The following FXYD2 variants were observed in gnomAD, a reference collection of about 807,000 sequenced individuals.
The protein encoded by FXYD2 is sodium/potassium-transporting ATPase subunit gamma.
A neutral mutation model predicts 11.8 loss-of-function variants in FXYD2; 8 were observed. The ratio of observed to expected loss-of-function variants is 0.68; its 90% CI spans 0.40 to 1.22. The LOEUF is 1.22. Ranked by LOEUF, FXYD2 falls within the 50% of genes most tolerant of loss-of-function variation. FXYD2 has a pLI of 0.01. For missense variants in FXYD2, 92 were observed against 91.8 expected (o/e 1.00, Z -0.01); for synonymous variants, 42 against 33.3 (o/e 1.26, Z -0.90).
chr11:117,826,231 G>A (rs767898909), upstream of FXYD2, among the ~76,000 whole-genome samples: 4 of 152,222 alleles, frequency 2.6e-5, no homozygotes, highest in South Asian at 4.1e-4. Context: ...AAATGGGCAC[G>A]AATGAGTGAG....
At chr11:117,826,483 G>C (rs1246944461), upstream of FXYD2, among the ~76,000 whole-genome samples, 1 of 152,130 alleles carries the variant, frequency 6.6e-6, no homozygotes, top group Admixed American at 6.5e-5. Flanking sequence ...CCTGGACGTG[G>C]CCAGGGCACT....
At chr11:117,820,560 C>T (rs995776616) in intron 5 of FXYD2, 106 bp downstream of exon 5, 126 of 1,435,732 alleles carry the variant, frequency 8.8e-5, no homozygotes, top group Non-Finnish European at 1.1e-4. Flanking sequence ...GATGTGTGGA[C>T]GACCCTAAAA....
chr11:117,824,505 G>A lies in FXYD2; in HGVS notation c.25+149C>T. 1 of 718,372 alleles carries A rather than the reference G, an allele frequency of 1.4e-6. No individual in the cohort carries two copies. Among genetic ancestry groups the A allele is most frequent in the Non-Finnish European group, 2.5e-6 (1 of 395,710 alleles). 44.5% of individuals were successfully genotyped at this position (718,372 alleles called of 1,614,324 possible). Reference sequence around the variant, plus strand: ...CCTTTAAGTTGCAAATTTTCTTAGAGAGGAGGCCGACAGGAAGAGGGGCTG... The same window carrying A: ...CCTTTAAGTTGCAAATTTTCTTAGAAAGGAGGCCGACAGGAAGAGGGGCTG... On this transcript the variant is annotated intron_variant, in intron 1 of 5. Transcript: ENST00000292079. The surrounding 1 kb of genome is among the most constrained non-coding windows in gnomAD (Gnocchi z 4.0).
chr11:117,827,058 AGATG>A (rs1295930317), upstream of FXYD2, among the ~76,000 whole-genome samples: 2 of 150,140 alleles, frequency 1.3e-5, no homozygotes, highest in Admixed American at 6.7e-5. Context: ...AGGCACCAAC[AGATG>A]GATGGATAGA....
intron 1 of FXYD2, among the ~76,000 whole-genome samples, chr11:117,823,601 A>G (rs1011398814): frequency 1.3e-5 from 2 of 152,202 alleles, no homozygotes; most frequent in East Asian, 1.9e-4. Context: ...CAGGTCTCAC[A>G]GTGGTGCCCT....
upstream of FXYD2, among the ~76,000 whole-genome samples, chr11:117,826,490 C>A (rs751196167): frequency 8.5e-5 from 13 of 152,210 alleles, no homozygotes; most frequent in South Asian, 2.1e-4. Flanking sequence ...GTGGCCAGGG[C>A]ACTGGGTACA....
At chr11:117,826,778 G>GTCTATCTGTCTGTCTATCTATCTATCTA (rs1555040290), upstream of FXYD2, among the ~76,000 whole-genome samples, 70 of 125,874 alleles carry the variant, frequency 5.6e-4, no homozygotes, top group Middle Eastern at 4.4e-3. Flanking sequence ...CTGTCTGTCT[G>GTCTATCTGTCTGTCTATCTATCTATCTA]TCTATCTATC....
rs1245792813 is a variant in FXYD2 at position 117,822,107 on chromosome 11, C to T, written c.139+299G>A. 1.1e-5 allele frequency: 15 copies of T among 1,347,382 alleles called. No homozygotes were observed. The highest frequency in any genetic ancestry group is 1.5e-5 in the South Asian group (1 of 65,312). The allele number at this position is 1,347,382 out of a possible 1,614,324, so 83.5% of individuals were successfully genotyped here. A position where few individuals can be genotyped will look rare whatever the true frequency, so the allele number is the denominator to read the frequency against. On this transcript the variant is annotated intron_variant, in intron 3 of 5. Transcript: ENST00000292079. The surrounding 1 kb of genome is among the most constrained non-coding windows in gnomAD (Gnocchi z 4.7). Reference sequence around the variant, plus strand: ...ATGAGTTTGGGACCATGGTTAGCAGCGGGGGGCCTAGTCCCCCTGTCTGGC... The same window carrying T: ...ATGAGTTTGGGACCATGGTTAGCAGTGGGGGGCCTAGTCCCCCTGTCTGGC...
intron 1 of FXYD2, among the ~76,000 whole-genome samples, chr11:117,823,292 C>A (rs1370058206): frequency 6.6e-6 from 1 of 152,126 alleles, no homozygotes; most frequent in East Asian, 1.9e-4. Flanking sequence ...GGTCAGGCAC[C>A]GGGCAAAAAC....
At position 117,824,652 on chromosome 11, in the gene FXYD2, A is replaced by T; in HGVS notation, c.25+2T>A. 6.2e-7 allele frequency: 1 copy of T among 1,613,334 alleles called. No homozygotes were observed. The highest frequency in any genetic ancestry group is 1.1e-5 in the South Asian group (1 of 91,048). On this transcript the variant is annotated splice_donor_variant, in intron 1 of 5. Transcript: ENST00000292079. LOFTEE classifies it high-confidence loss of function. The surrounding 1 kb of genome is among the most constrained non-coding windows in gnomAD (Gnocchi z 4.0). Reference sequence around the variant, plus strand: ...CCCGGGCACGCACACCAGCACACTCACCACCGTCCATCGACAACCCAGTCA... The same window carrying T: ...CCCGGGCACGCACACCAGCACACTCTCCACCGTCCATCGACAACCCAGTCA...
In FXYD2 at chr11:117,822,135, T is replaced by C; in HGVS notation, c.139+271A>G. 7.2e-7 allele frequency: 1 copy of C among 1,385,526 alleles called. No individual in the cohort carries two copies. 85.8% of individuals were successfully genotyped at this position (1,385,526 alleles called of 1,614,324 possible). Reference sequence around the variant, plus strand: ...GGGGCCTAGTCCCCCTGTCTGGCCCTCCGGTTACCCAGTTACCCCGTGGGT... The same window carrying C: ...GGGGCCTAGTCCCCCTGTCTGGCCCCCCGGTTACCCAGTTACCCCGTGGGT... On this transcript the variant is annotated intron_variant, in intron 3 of 5. Transcript: ENST00000292079. The surrounding 1 kb of genome is among the most constrained non-coding windows in gnomAD (Gnocchi z 4.7).
upstream of FXYD2, among the ~76,000 whole-genome samples, chr11:117,824,920 C>T (rs2056002367): frequency 6.6e-6 from 1 of 152,214 alleles, no homozygotes; most frequent in South Asian, 2.1e-4. This position sits in a 1 kb window ranked among gnomAD's most constrained non-coding sequence, Gnocchi z 4.0. Flanking sequence ...GTTTCCAAAC[C>T]TTCCCAAAGG....
chr11:117,826,149 A>C (rs187030890), upstream of FXYD2, among the ~76,000 whole-genome samples: 5 of 152,276 alleles, frequency 3.3e-5, no homozygotes, highest in East Asian at 9.7e-4. Context: ...GTGTTGATTG[A>C]AGAAATGACA....
chr11:117,827,016 C>T (rs1173573190), upstream of FXYD2, among the ~76,000 whole-genome samples: 1 of 150,894 alleles, frequency 6.6e-6, no homozygotes, highest in Non-Finnish European at 1.5e-5. Context: ...GATGGAAGGG[C>T]TCCCACTGCG....
chr11:117,825,138 G>A (rs11216564), upstream of FXYD2, among the ~76,000 whole-genome samples: 27,558 of 152,174 alleles, frequency 0.18, 2,700 homozygotes, highest in Non-Finnish European at 0.23. Flanking sequence ...GGATGCCGCC[G>A]CTGCAGCTGG....
upstream of FXYD2, chr11:117,824,829 A>C: frequency 9.7e-7 from 1 of 1,028,662 alleles, no homozygotes; most frequent in Non-Finnish European, 1.5e-6. The surrounding 1 kb of genome is among the most constrained non-coding windows in gnomAD (Gnocchi z 4.0). Context: ...GTCACAAGAA[A>C]AGCTGCAGTG....
intron 5 of FXYD2, 87 bp downstream of exon 5, chr11:117,820,579 T>C: frequency 3.2e-6 from 5 of 1,555,548 alleles, no homozygotes; most frequent in Non-Finnish European, 4.4e-6. Context: ...AATTCTTATT[T>C]ACCGAGTCCA....
At chr11:117,820,583 G>A (rs760155230) in intron 5 of FXYD2, 83 bp downstream of exon 5, 11 of 1,561,016 alleles carry the variant, frequency 7.0e-6, no homozygotes, top group East Asian at 2.2e-5. Flanking sequence ...CTTATTTACC[G>A]AGTCCAGGAG....
Position 117,822,728 on chromosome 11 carries a change from G to C in FXYD2, c.26-11C>G. On this transcript the variant is annotated splice_polypyrimidine_tract_variant and intron_variant, in intron 1 of 5. Transcript: ENST00000292079. The surrounding 1 kb of genome is among the most constrained non-coding windows in gnomAD (Gnocchi z 4.7). ...CCTTGGGGCTGCCGCCTAGGAGAGA[G>C]CCAGAGGTGGGATGAGAGGAGTCAC... 6.2e-7 allele frequency: 1 copy of C among 1,608,272 alleles called. No homozygotes were observed. Among genetic ancestry groups the C allele is most frequent in the Non-Finnish European group, 8.5e-7 (1 of 1,178,648 alleles).
Sources: gnomAD v4.1 joint callset for allele counts (sites outside exome capture counted in the v4.1 genomes callset) on GRCh38, gnomAD v4.1.1 for gene constraint, Gnocchi (gnomAD v3.1) non-coding constraint, MANE v1.5 for transcripts, NCBI Gene and HGNC (gene_info 2026-07-23, HGNC 2026-07-21) for gene names.